Variants in WDR4 observed in about 807,000 individuals in gnomAD.
WDR4 encodes the protein WDR4 tRNA N7-guanosine methyltransferase non-catalytic subunit, also known as tRNA (guanine-N(7)-)-methyltransferase non-catalytic subunit WDR4.
Under a neutral mutation model 48.6 loss-of-function variants are expected in WDR4, and 47 were observed. The ratio of observed to expected loss-of-function variants is 0.97; its 90% CI spans 0.77 to 1.23. WDR4 has a LOEUF of 1.23. Ranked by LOEUF, WDR4 falls within the 50% of genes most tolerant of loss-of-function variation. The pLI is 0.00. For missense variants in WDR4, 606 were observed against 551.6 expected (o/e 1.10, Z -0.99); for synonymous variants, 268 against 230.0 (o/e 1.17, Z -1.49).
At chr21:42,879,601 C>G (rs2058587812), upstream of WDR4, 2 of 1,385,626 alleles carry the variant, frequency 1.4e-6, no homozygotes, top group African/African-American at 2.9e-5. Flanking sequence ...ACGTATACCC[C>G]ACGTACCGCG....
upstream of WDR4, among the ~76,000 whole-genome samples, chr21:42,884,517 C>T (rs940714192): frequency 3.3e-5 from 5 of 151,798 alleles, no homozygotes; most frequent in African/African-American, 9.7e-5. Context: ...CGTGGTGTTG[C>T]GTACCTGTAA....
At chr21:42,859,595 G>GCACCCCCC in intron 6 of WDR4, 67 bp downstream of exon 6, 1 of 756,200 alleles carries the variant, frequency 1.3e-6, no homozygotes, top group East Asian at 2.7e-5. Context: ...GGTCCAGGAG[G>GCACCCCCC]CGCCCACCCC....
At chr21:42,848,677 T>A (rs1355209044), downstream of WDR4, among the ~76,000 whole-genome samples, 20 of 65,210 alleles carry the variant, frequency 3.1e-4, 1 homozygote, top group Admixed American at 8.3e-4. Context: ...CGCACCTCAC[T>A]CACACAGCGC....
chr21:42,853,182 C>T (rs1040499024), intron 9 of WDR4, among the ~76,000 whole-genome samples: 2 of 152,158 alleles, frequency 1.3e-5, no homozygotes, highest in African/African-American at 4.8e-5. Flanking sequence ...CTACCCGGGG[C>T]TCCACATGCT....
Position 42,843,282 on chromosome 21 carries a change from C to G in WDR4, c.*9-1G>C, listed in dbSNP as rs2057682020. On this transcript the variant is annotated splice_acceptor_variant, in intron 11 of 11. Transcript: ENST00000330317. LOFTEE classifies it low-confidence loss of function (3UTR_SPLICE). ...TGGTCCACAGTCGACAGAAACAGAC[C>G]TAGATATGACAGTAATAATGAATTA... The G allele has an allele frequency of 6.6e-6, 1 of 152,060 alleles. No individual in the cohort carries two copies. Among genetic ancestry groups the G allele is most frequent in the African/African-American group, 2.4e-5 (1 of 41,368 alleles). The allele number at this position is 152,060 out of a possible 1,614,324, so 9.4% of individuals were successfully genotyped here.
At chr21:42,876,875 A>G in intron 1 of WDR4, 108 bp from the exon 2 acceptor site, 1 of 1,019,640 alleles carries the variant, frequency 9.8e-7, no homozygotes, top group Non-Finnish European at 1.4e-6. Flanking sequence ...CTCCAGTACA[A>G]TGGCACGATC....
chr21:42,892,664 C>G, the WDR4 span, among the ~76,000 whole-genome samples: 2 of 152,202 alleles, frequency 1.3e-5, no homozygotes, highest in Non-Finnish European at 2.9e-5. Context: ...TACACCGACT[C>G]CACAATTACG....
intron 5 of WDR4, among the ~76,000 whole-genome samples, chr21:42,859,961 C>T (rs1377990426): frequency 6.6e-6 from 1 of 152,122 alleles, no homozygotes; most frequent in Non-Finnish European, 1.5e-5. Context: ...TCCCCAACAG[C>T]ACAGCAACCT....
upstream of WDR4, among the ~76,000 whole-genome samples, chr21:42,880,035 CAGA>C (rs1376806512): frequency 1.3e-5 from 2 of 151,742 alleles, no homozygotes; most frequent in African/African-American, 2.4e-5. Context: ...GAGGCTGAGA[CAGA>C]AGAATTGCCT....
At chr21:42,847,250 G>A (rs4920003), downstream of WDR4, among the ~76,000 whole-genome samples, 143,639 of 152,284 alleles carry the variant, frequency 0.94, 67,767 homozygotes, top group Middle Eastern at 0.99. Flanking sequence ...CACAGGGGAC[G>A]GGAAGGTGGT....
In WDR4 at chr21:42,853,789, G is replaced by A. The variant is rs1409136755; in HGVS notation, c.792-37C>T. On this transcript the variant is annotated intron_variant, in intron 8 of 10. Transcript: ENST00000398208. ...GAAAGAGAGCATGATTACTAGGACTGCAGGCCCACGGGCTCCGCTCTGCAG... is the reference window on the plus strand; with the variant it reads ...GAAAGAGAGCATGATTACTAGGACTACAGGCCCACGGGCTCCGCTCTGCAG... The A allele has an allele frequency of 5.9e-6, 9 of 1,530,242 alleles. No homozygotes were observed. In the East Asian group the frequency reaches 1.7e-4, roughly 29 times the overall value. 94.8% of individuals were successfully genotyped at this position (1,530,242 alleles called of 1,614,324 possible).
intron 3 of WDR4, among the ~76,000 whole-genome samples, chr21:42,870,688 T>C (rs370973985): frequency 1.6e-4 from 24 of 151,438 alleles, no homozygotes; most frequent in African/African-American, 3.6e-4. Flanking sequence ...ACTTGGGAGG[T>C]TGAGGCAGGA....
chr21:42,859,767 C>G lies in WDR4; in HGVS notation c.567-45G>C, dbSNP rs778138954. The G allele has an allele frequency of 2.6e-6, 4 of 1,549,312 alleles. No homozygotes were observed. In the Admixed American group the frequency reaches 7.8e-5, roughly 30 times the overall value. ...CGGCAGAGTCAGCGAGCCCAGCGCC[C>G]GCAGGGACCGGGAGGCCTGGGGAGG... On this transcript the variant is annotated intron_variant, in intron 5 of 10. Coordinates refer to ENST00000398208, the MANE Select transcript of WDR4 (RefSeq NM_018669.6).
At chr21:42,877,350 G>C (rs938215569) in intron 1 of WDR4, among the ~76,000 whole-genome samples, 2 of 150,396 alleles carry the variant, frequency 1.3e-5, no homozygotes, top group African/African-American at 4.9e-5. Flanking sequence ...CGCCATGTTG[G>C]CCAGGCTGGT....
intron 3 of WDR4, among the ~76,000 whole-genome samples, chr21:42,872,544 G>A (rs1208146771): frequency 6.6e-6 from 1 of 151,128 alleles, no homozygotes; most frequent in Admixed American, 6.6e-5. Flanking sequence ...CTGGGAGGCG[G>A]AGGCTGTAGT....
At chr21:42,878,493 A>T (rs981547771) in intron 1 of WDR4, among the ~76,000 whole-genome samples, 1 of 152,200 alleles carries the variant, frequency 6.6e-6, no homozygotes, top group Non-Finnish European at 1.5e-5. Context: ...TTCTGAGTAC[A>T]ATTTTTGTGA....
intron 3 of WDR4, among the ~76,000 whole-genome samples, chr21:42,864,047 C>T (rs1423074846): frequency 1.3e-5 from 1 of 76,132 alleles, no homozygotes; most frequent in Non-Finnish European, 2.3e-5. Flanking sequence ...GCGGAGCTTG[C>T]AGTGAGCCGA....
At chr21:42,891,495 T>C in the WDR4 span, among the ~76,000 whole-genome samples, 2 of 152,016 alleles carry the variant, frequency 1.3e-5, no homozygotes, top group Non-Finnish European at 2.9e-5. Context: ...CCGCTGGTGG[T>C]GGTGTGGAAG....
intron 3 of WDR4, among the ~76,000 whole-genome samples, chr21:42,868,204 G>A (rs973801899): frequency 6.6e-5 from 10 of 152,152 alleles, no homozygotes; most frequent in Non-Finnish European, 1.3e-4. Flanking sequence ...GAGGAGCCCT[G>A]GGCCTCCGCG....
Sources: allele counts gnomAD v4.1 joint callset (sites outside exome capture counted in the v4.1 genomes callset), GRCh38; gene constraint gnomAD v4.1.1; transcripts MANE v1.5; gene names NCBI Gene and HGNC (gene_info 2026-07-23, HGNC 2026-07-21).